Variants in RNLS observed in about 807,000 individuals in gnomAD.
The protein encoded by RNLS is renalase, FAD dependent amine oxidase.
RNLS carries 39 observed loss-of-function variants against 39.8 expected under a neutral mutation model. The observed-to-expected ratio is 0.98, with a 90% CI of 0.76 to 1.28. The LOEUF (loss-of-function observed/expected upper bound fraction) is 1.28. Ranked by LOEUF, RNLS falls within the 50% of genes most tolerant of loss-of-function variation. RNLS has a pLI of 0.00. For missense variants in RNLS, 410 were observed against 413.3 expected (o/e 0.99, Z 0.07); for synonymous variants, 147 against 150.7 (o/e 0.98, Z 0.18).
At chr10:88,317,574 A>C (rs1298410151) in intron 5 of RNLS, among the ~76,000 whole-genome samples, 1 of 152,200 alleles carries the variant, frequency 6.6e-6, no homozygotes, top group Non-Finnish European at 1.5e-5. Flanking sequence ...GTGTTTCGTA[A>C]AATATACATA....
At chr10:88,375,345 C>T (rs938220013) in intron 4 of RNLS, among the ~76,000 whole-genome samples, 2 of 152,102 alleles carry the variant, frequency 1.3e-5, no homozygotes, top group Non-Finnish European at 2.9e-5. Flanking sequence ...AGTAAGAGTT[C>T]CCCGAAGTCC....
intron 4 of RNLS, among the ~76,000 whole-genome samples, chr10:88,450,238 G>T (rs928842991): frequency 6.6e-6 from 1 of 152,142 alleles, no homozygotes; most frequent in Non-Finnish European, 1.5e-5. Flanking sequence ...AGCATGGGCT[G>T]CCTGCTCTCT....
chr10:88,238,228 A>G, the RNLS span, among the ~76,000 whole-genome samples: 2 of 152,182 alleles, frequency 1.3e-5, no homozygotes, highest in African/African-American at 4.8e-5. Context: ...TTTAGAACAT[A>G]TGTGTTGAAT....
the RNLS span, among the ~76,000 whole-genome samples, chr10:88,210,241 A>C: frequency 2.5e-4 from 38 of 152,188 alleles, no homozygotes; most frequent in Admixed American, 3.9e-4. Context: ...TTTCCATTTC[A>C]TACAGAGTTT....
chr10:88,220,546 G>C, the RNLS span, among the ~76,000 whole-genome samples: 1 of 152,264 alleles, frequency 6.6e-6, no homozygotes, highest in South Asian at 2.1e-4. Flanking sequence ...AGCCTAACAA[G>C]TTTACGTAAA....
chr10:88,335,148 G>C (rs555099660), intron 5 of RNLS, among the ~76,000 whole-genome samples: 70 of 151,564 alleles, frequency 4.6e-4, no homozygotes, highest in African/African-American at 1.7e-3. Flanking sequence ...TTAAGCATAA[G>C]CTTCCATAAT....
At chr10:88,505,354 G>A (rs1845728733) in intron 4 of RNLS, among the ~76,000 whole-genome samples, 1 of 151,466 alleles carries the variant, frequency 6.6e-6, no homozygotes, top group African/African-American at 2.4e-5. Flanking sequence ...GGGAAAGGAG[G>A]AAAGGTAGAG....
chr10:88,480,361 T>A (rs967560440), intron 4 of RNLS, among the ~76,000 whole-genome samples: 10 of 152,260 alleles, frequency 6.6e-5, no homozygotes, highest in Admixed American at 5.9e-4. Flanking sequence ...CTGAGATTCT[T>A]ATAAGATCAT....
intron 6 of RNLS, among the ~76,000 whole-genome samples, chr10:88,301,220 A>C (rs915666907): frequency 6.6e-6 from 1 of 152,224 alleles, no homozygotes. Context: ...AAAAGGGGAA[A>C]TACCTGCCTA....
At chr10:88,239,724 A>C in the RNLS span, among the ~76,000 whole-genome samples, 1 of 152,214 alleles carries the variant, frequency 6.6e-6, no homozygotes, top group Non-Finnish European at 1.5e-5. Flanking sequence ...TCTTGCACAT[A>C]CATAATAAAA....
intron 4 of RNLS, among the ~76,000 whole-genome samples, chr10:88,446,158 A>T (rs1480438039): frequency 3.3e-5 from 5 of 152,144 alleles, no homozygotes; most frequent in Admixed American, 6.5e-5. Flanking sequence ...GGATTAAGAA[A>T]CTCACTCAAA....
At chr10:88,538,998 T>A (rs1379223117) in intron 4 of RNLS, among the ~76,000 whole-genome samples, 1 of 152,162 alleles carries the variant, frequency 6.6e-6, no homozygotes, top group Non-Finnish European at 1.5e-5. Context: ...GGTGACACAT[T>A]CTGTGCCCAC....
chr10:88,395,018 G>T (rs747135397), intron 4 of RNLS, among the ~76,000 whole-genome samples: 1 of 151,836 alleles, frequency 6.6e-6, no homozygotes, highest in Admixed American at 6.6e-5. Context: ...ACAGGAAGGG[G>T]AACATCACAC....
chr10:88,337,342 T>C (rs1398325190), intron 5 of RNLS, among the ~76,000 whole-genome samples: 2 of 152,150 alleles, frequency 1.3e-5, no homozygotes, highest in Non-Finnish European at 2.9e-5. Flanking sequence ...ACTACCTCTT[T>C]TGGGGGAACA....
chr10:88,504,633 T>C (rs1303200256), intron 4 of RNLS, among the ~76,000 whole-genome samples: 4 of 152,132 alleles, frequency 2.6e-5, no homozygotes, highest in African/African-American at 9.7e-5. Context: ...TAATACACTC[T>C]ATATCAAGTT....
Position 88,534,628 on chromosome 10 carries a change from A to T in RNLS, c.526+38275T>A, listed in dbSNP as rs1589971570. ...AAATCAGTATCAGCAATTCCATCATAGGCTGTGTTGAGAATTACACAAGCC... is the reference window on the plus strand; with the variant it reads ...AAATCAGTATCAGCAATTCCATCATTGGCTGTGTTGAGAATTACACAAGCC... On this transcript the variant is annotated intron_variant, in intron 4 of 6. Transcript: ENST00000331772. Among the ~76,000 whole-genome samples, 3 of 152,108 alleles carry T rather than the reference A, an allele frequency of 2.0e-5. No individual in the cohort carries two copies. The South Asian group carries it at 6.2e-4, about 32-fold the overall frequency.
rs2018705 is a variant in RNLS, at chr10:88,287,593, T to A, written c.877-2087A>T. ...TCATTCTCACACTGCTATTAAGAAC[T>A]TCCCTGAGACTGGGTAATTTATAAA... On this transcript the variant is annotated intron_variant, in intron 6 of 6. Transcript: ENST00000331772. Among the ~76,000 whole-genome samples the A allele has an allele frequency of 4.6e-5, 7 of 152,054 alleles. No homozygotes were observed. The East Asian group carries it at 1.4e-3, about 29-fold the overall frequency.
chr10:88,235,312 A>G, the RNLS span, among the ~76,000 whole-genome samples: 1 of 150,000 alleles, frequency 6.7e-6, no homozygotes, highest in African/African-American at 2.4e-5. Flanking sequence ...CCTAACATGG[A>G]TCCAAAATGA....
chr10:88,460,964 A>T (rs938230238), intron 4 of RNLS, among the ~76,000 whole-genome samples: 2 of 152,114 alleles, frequency 1.3e-5, no homozygotes, highest in African/African-American at 4.8e-5. Context: ...CAGGACATGT[A>T]AGTGGGTACA....
Sources: gnomAD v4.1 joint callset for allele counts (sites outside exome capture counted in the v4.1 genomes callset) on GRCh38, gnomAD v4.1.1 for gene constraint, MANE v1.5 for transcripts, NCBI Gene and HGNC (gene_info 2026-07-23, HGNC 2026-07-21) for gene names.